TRMT1: variants seen among roughly 807,000 people sequenced by gnomAD.
TRMT1 encodes the protein tRNA methyltransferase 1, also known as tRNA (guanine(26)-N(2))-dimethyltransferase.
TRMT1 carries 63 observed loss-of-function variants against 75.4 expected under a neutral mutation model. The ratio of observed to expected loss-of-function variants is 0.84; its 90% CI spans 0.68 to 1.03. The LOEUF (loss-of-function observed/expected upper bound fraction) is 1.03. Among genes scored for constraint, TRMT1 ranks in the 50% least tolerant of loss-of-function variants. TRMT1 has a pLI of 0.00. For missense variants in TRMT1, 870 were observed against 905.3 expected (o/e 0.96, Z 0.50); for synonymous variants, 382 against 358.1 (o/e 1.07, Z -0.75).
rs1270152117 is a variant in TRMT1, at chr19:13,107,811, A to G, written c.1446T>C (p.Cys482=). The G allele has an allele frequency of 6.4e-7, 1 of 1,551,892 alleles. No individual in the cohort carries two copies. Among genetic ancestry groups the G allele is most frequent in the African/African-American group, 1.4e-5 (1 of 72,996 alleles). ...ADFRVSLSHA[C]KNAVKTDAPA... Reference sequence around the variant, plus strand: ...GGGCATCCGTCTTCACAGCGTTCTTACAGGCGTGGGAGAGTGAGACCCGGA... The same window carrying G: ...GGGCATCCGTCTTCACAGCGTTCTTGCAGGCGTGGGAGAGTGAGACCCGGA... Residue 482 remains cysteine (C), a synonymous_variant, in exon 13 of 17, where the codon TGT becomes TGC. Coordinates refer to ENST00000357720, the MANE Select transcript of TRMT1 (RefSeq NM_001136035.4).
At position 13,109,644 on chromosome 19, in the gene TRMT1, T is replaced by C; in HGVS notation, c.1217A>G (p.Asp406Gly). 1.2e-6 allele frequency: 2 copies of C among 1,613,740 alleles called. No individual in the cohort carries two copies. The highest frequency in any genetic ancestry group is 1.7e-6 in the Non-Finnish European group (2 of 1,179,970). Residue 406 changes from aspartate (D) to glycine (G), a missense_variant, in exon 11 of 17, where the codon GAT becomes GGT. Coordinates refer to ENST00000357720, the MANE Select transcript of TRMT1 (RefSeq NM_001136035.4). ...AGCCTCCAGGACACGGCCCACAAAA[T>C]CCAGGTCATGGATGGGCTCTGCCCA... ...PMWAEPIHDL[D>G]FVGRVLEAVS... is the part of the protein sequence containing the mutation.
Position 13,105,468 on chromosome 19 carries a change from C to T in TRMT1, c.1703+19G>A, listed in dbSNP as rs1376878107. ...TTCTTTCCCTGGCTGAGCCCCACCC[C>T]CACCTTACCACCACTCACCCTGGCC... On this transcript the variant is annotated intron_variant, in intron 15 of 16. Transcript: ENST00000357720. 1.2e-6 allele frequency: 2 copies of T among 1,613,898 alleles called. No homozygotes were observed. Among genetic ancestry groups the T allele is most frequent in the East Asian group, 2.2e-5 (1 of 44,886 alleles).
intron 12 of TRMT1, among the ~76,000 whole-genome samples, chr19:13,108,219 A>C (rs954639004): frequency 6.6e-6 from 1 of 151,384 alleles, no homozygotes; most frequent in African/African-American, 2.4e-5. Context: ...TCGATCTCTT[A>C]ACCTTGTGAT....
intron 5 of TRMT1, among the ~76,000 whole-genome samples, chr19:13,114,670 AAT>A (rs1304063955): frequency 6.6e-6 from 1 of 151,918 alleles, no homozygotes. Flanking sequence ...TCAAAAAATA[AAT>A]AAATAAATAA....
In TRMT1 at chr19:13,105,376, G is replaced by A. The variant is rs2018811416; in HGVS notation, c.1724C>T (p.Ala575Val). ...ARPGGKAADEAMEERRRLLQN... is the reference protein window; with the variant it reads ...ARPGGKAADEVMEERRRLLQN... ...AAGCAGCCTGCGTCTCTCCTCCATA[G>A]CTTCGTCGGCCGCCTTGCCCCTGTG... The change falls in exon 16 of 17, where the codon GCT becomes GTT. Residue 575 changes from alanine (A) to valine (V), a missense_variant. Coordinates refer to ENST00000357720, the MANE Select transcript of TRMT1 (RefSeq NM_001136035.4). The A allele has an allele frequency of 1.2e-5, 19 of 1,613,626 alleles. No individual in the cohort carries two copies. In the Middle Eastern group the frequency reaches 6.6e-4, roughly 56 times the overall value.
intron 5 of TRMT1, 89 bp downstream of exon 5, chr19:13,115,190 T>C (rs2019289824): frequency 3.4e-5 from 48 of 1,414,208 alleles, no homozygotes; most frequent in Non-Finnish European, 4.4e-5. Flanking sequence ...AGTCACTCAC[T>C]CAAGGTCACA....
At position 13,109,972 on chromosome 19, in the gene TRMT1, CCCACACA is replaced by C; in HGVS notation, c.1042_1048del (p.Cys348AlafsTer31). 6.2e-7 allele frequency: 1 copy of C among 1,613,706 alleles called. No homozygotes were observed. Among genetic ancestry groups the C allele is most frequent in the Non-Finnish European group, 8.5e-7 (1 of 1,179,936 alleles). On this transcript the variant is annotated frameshift_variant, in exon 9 of 17. Coordinates refer to ENST00000357720, the MANE Select transcript of TRMT1 (RefSeq NM_001136035.4). LOFTEE classifies it high-confidence loss of function. ...ACGCTGAAGGTGGAAGGCCCCGCAG[CCCACACA>C]CTGGAACACCAGCGCCTGCTTGCTG...
chr19:13,105,300 C>A lies in TRMT1; in HGVS notation c.1800G>T (p.Arg600=). The A allele has an allele frequency of 6.2e-7, 1 of 1,614,002 alleles. No individual in the cohort carries two copies. Among genetic ancestry groups the A allele is most frequent in the South Asian group, 1.1e-5 (1 of 91,060 alleles). The change falls in exon 16 of 17, where the codon CGG becomes CGT. Residue 600 remains arginine, a synonymous_variant. Coordinates refer to ENST00000357720, the MANE Select transcript of TRMT1 (RefSeq NM_001136035.4). ...PPEDVAQRAA[R]LKTFPCKRFK... ...ACCTCTTGCAAGGAAATGTCTTGAGCCGGGCAGCCCGCTGGGCCACATCTT... is the reference window on the plus strand; with the variant it reads ...ACCTCTTGCAAGGAAATGTCTTGAGACGGGCAGCCCGCTGGGCCACATCTT...
chr19:13,105,339 C>T lies in TRMT1; in HGVS notation c.1761G>A (p.Arg587=), dbSNP rs1217082142. Residue 587 remains arginine, a synonymous_variant, in exon 16 of 17, where the codon CGG becomes CGA. Coordinates refer to ENST00000357720, the MANE Select transcript of TRMT1 (RefSeq NM_001136035.4). The stretch of plus-strand genomic sequence containing the variant: ...GGGCCACATCTTCCGGCGGCTCCTT[C>T]CGCTTGTTCTGAAGCAGCCTGCGTC... ...EERRRLLQNK[R]KEPPEDVAQR... is the part of the protein sequence containing the mutation. 1.6e-5 allele frequency: 26 copies of T among 1,613,992 alleles called. No individual in the cohort carries two copies. Among genetic ancestry groups the T allele is most frequent in the Non-Finnish European group, 2.1e-5 (25 of 1,180,036 alleles).
At position 13,105,503 on chromosome 19, in the gene TRMT1, G is replaced by A. The variant is rs752108828; in HGVS notation, c.1687C>T (p.Pro563Ser). ...ANPEANWGPR[P>S]RARPGGKAAD... ...ACCACTCACCCTGGCCGGGCACGAGGCCGGGGACCCCAGTTGGCCTCCGGG... is the reference window on the plus strand; with the variant it reads ...ACCACTCACCCTGGCCGGGCACGAGACCGGGGACCCCAGTTGGCCTCCGGG... Residue 563 changes from proline to serine, a missense_variant, in exon 15 of 17, where the codon CCT becomes TCT. Coordinates refer to ENST00000357720, the MANE Select transcript of TRMT1 (RefSeq NM_001136035.4). The A allele has an allele frequency of 1.5e-5, 24 of 1,613,938 alleles. No homozygotes were observed. The highest frequency in any genetic ancestry group is 1.7e-5 in the Non-Finnish European group (20 of 1,180,032).
Position 13,116,128 on chromosome 19 carries a change from C to T in TRMT1, c.254+18G>A, listed in dbSNP as rs1258414141. The T allele has an allele frequency of 4.3e-6, 7 of 1,613,980 alleles. No homozygotes were observed. In the African/African-American group the frequency reaches 5.3e-5, roughly 12 times the overall value. ...GACCCACTAGCCGATGCCAGGCTAA[C>T]GTCTGACCCCTGCTCACGTCAGGTC... On this transcript the variant is annotated intron_variant, in intron 2 of 16. Transcript: ENST00000357720.
chr19:13,107,607 C>T lies in TRMT1; in HGVS notation c.1550G>A (p.Ser517Asn), dbSNP rs375527682. 1.2e-6 allele frequency: 2 copies of T among 1,608,560 alleles called. No homozygotes were observed. Among genetic ancestry groups the T allele is most frequent in the African/African-American group, 2.7e-5 (2 of 74,836 alleles). ...CACACTGAGAATGCGGAACGCTGGG[C>T]TAGTCTCTGATAGTCGCTCCCGTTT... is the stretch of plus-strand genomic sequence containing the variant. ...PVKRERLSET[S>N]PAFRILSVEP... The change falls in exon 14 of 17, where the codon AGC (serine) becomes AAC (asparagine). Residue 517 changes from serine (S) to asparagine (N), a missense_variant. Physicochemically the swap from Ser to Asn is conservative, Grantham distance 46 (BLOSUM62 1). Coordinates refer to ENST00000357720, the MANE Select transcript of TRMT1 (RefSeq NM_001136035.4).
rs772025702 is a variant in TRMT1 at position 13,112,949 on chromosome 19, T to C, written c.704A>G (p.Tyr235Cys). The change falls in exon 6 of 17, where the codon TAT becomes TGT. Residue 235 changes from tyrosine to cysteine, a missense_variant. Tyr to Cys is a radical substitution (Grantham distance 194). Coordinates refer to ENST00000357720, the MANE Select transcript of TRMT1 (RefSeq NM_001136035.4). ...ERFDVIDLDPYGSPATFLDAA... is the reference protein window; with the variant it reads ...ERFDVIDLDPCGSPATFLDAA... ...ATCCAGGAAGGTGGCTGGGCTGCCA[T>C]AGGGGTCCAGATCGATGACGTCAAA... is the stretch of plus-strand genomic sequence containing the variant. 6.8e-6 allele frequency: 11 copies of C among 1,613,952 alleles called. No homozygotes were observed. The highest frequency in any genetic ancestry group is 9.3e-6 in the Non-Finnish European group (11 of 1,179,938).
intron 16 of TRMT1, 82 bp downstream of exon 16, chr19:13,105,185 C>T (rs753247652): frequency 2.2e-5 from 35 of 1,559,282 alleles, no homozygotes; most frequent in Non-Finnish European, 3.0e-5. Context: ...TTGCCTGGCC[C>T]CAGCTCCCCC....
chr19:13,113,227 C>T (rs577965561), intron 5 of TRMT1, among the ~76,000 whole-genome samples: 2 of 152,130 alleles, frequency 1.3e-5, no homozygotes. Flanking sequence ...GTTGTGATCT[C>T]GGCTCCCTGC....
At position 13,109,499 on chromosome 19, in the gene TRMT1, G is replaced by A. The variant is rs376744958; in HGVS notation, c.1312-33C>T. On this transcript the variant is annotated intron_variant, in intron 11 of 16. Coordinates refer to ENST00000357720, the MANE Select transcript of TRMT1 (RefSeq NM_001136035.4). The stretch of plus-strand genomic sequence containing the variant: ...GGGGGACAGGATGGGCATGAGTGGA[G>A]ATGGACGGGCACAGGTGGAGCCCCC... 42 of 1,614,068 alleles carry A rather than the reference G, an allele frequency of 2.6e-5. No homozygotes were observed. In the African/African-American group the frequency reaches 5.2e-4, roughly 20 times the overall value.
chr19:13,105,203 T>C, intron 16 of TRMT1, 64 bp downstream of exon 16: 1 of 1,567,988 alleles, frequency 6.4e-7, no homozygotes, highest in Non-Finnish European at 8.7e-7. Context: ...CCCAATTCTC[T>C]CCCTGTTGCC....
intron 16 of TRMT1, 23 bp from the exon 17 acceptor site, chr19:13,105,104 G>C (rs1397752135): frequency 6.4e-7 from 1 of 1,565,788 alleles, no homozygotes; most frequent in Non-Finnish European, 8.7e-7. Context: ...TGGTGGGTGT[G>C]AACCCCTGCC....
intron 7 of TRMT1, among the ~76,000 whole-genome samples, chr19:13,110,868 T>G (rs978433929): frequency 1.3e-5 from 2 of 152,108 alleles, no homozygotes; most frequent in Non-Finnish European, 2.9e-5. Flanking sequence ...GAGAATCACT[T>G]GAACCTGGGA....
Sources: gnomAD v4.1 joint callset for allele counts (sites outside exome capture counted in the v4.1 genomes callset) on GRCh38, gnomAD v4.1.1 for gene constraint, MANE v1.5 for transcripts, NCBI Gene and HGNC (gene_info 2026-07-23, HGNC 2026-07-21) for gene names.